DNAH11: variants seen among roughly 807,000 people sequenced by gnomAD.
DNAH11 encodes dynein axonemal heavy chain 11, also known as axonemal beta dynein heavy chain 11.
In DNAH11, 442 loss-of-function variants were observed where a neutral mutation model predicts 526.0. That is an observed-to-expected ratio of 0.84 (90% CI 0.78 to 0.91). The LOEUF (loss-of-function observed/expected upper bound fraction) is 0.91. Ranked by LOEUF, DNAH11 falls within the 40% of genes least tolerant of loss-of-function variation. The pLI, the probability that DNAH11 is intolerant of heterozygous loss-of-function variation, is 0.00. For missense variants in DNAH11, 6,989 were observed against 5,448.7 expected (o/e 1.28, Z -8.90); for synonymous variants, 2,461 against 1,935.9 (o/e 1.27, Z -7.12).
intron 48 of DNAH11, among the ~76,000 whole-genome samples, chr7:21,740,590 T>G (rs1249413721): frequency 6.6e-6 from 1 of 152,212 alleles, no homozygotes; most frequent in East Asian, 1.9e-4. Context: ...TTCTAGTACA[T>G]GTATTTACCA....
At position 21,720,820 on chromosome 7, in the gene DNAH11, T is replaced by C; in HGVS notation, c.7230T>C (p.Cys2410=). 1 of 1,613,172 alleles carries C rather than the reference T, an allele frequency of 6.2e-7. No homozygotes were observed. The highest frequency in any genetic ancestry group is 8.5e-7 in the Non-Finnish European group (1 of 1,179,544). ...EVYEVYFVFA[C]IWAFGGTLLQ... is the part of the protein sequence containing the mutation. ...ATGAAGTCTATTTTGTATTTGCTTG[T>C]ATCTGGGCTTTTGGAGGCACCCTGC... is the stretch of plus-strand genomic sequence containing the variant. Residue 2410 remains cysteine, a synonymous_variant, in exon 44 of 82, where the codon TGT becomes TGC. Coordinates refer to ENST00000409508, the MANE Select transcript of DNAH11 (RefSeq NM_001277115.2).
intron 60 of DNAH11, 99 bp downstream of exon 60, chr7:21,787,682 T>A: frequency 9.2e-7 from 1 of 1,092,592 alleles, no homozygotes; most frequent in Non-Finnish European, 1.3e-6. Flanking sequence ...TGTTATTTCA[T>A]TTTCTGAATA....
intron 17 of DNAH11, 36 bp downstream of exon 17, chr7:21,601,215 T>G (rs749411213): frequency 6.4e-7 from 1 of 1,564,438 alleles, no homozygotes; most frequent in Non-Finnish European, 8.6e-7. Flanking sequence ...ATTATAACTT[T>G]CTAAACTGCT....
At chr7:21,843,788 C>T (rs1173749274) in intron 66 of DNAH11, among the ~76,000 whole-genome samples, 3 of 151,900 alleles carry the variant, frequency 2.0e-5, no homozygotes, top group South Asian at 2.1e-4. Context: ...CATGCTGTGC[C>T]CAGCTTTCTA....
chr7:21,799,302 C>T (rs1468478998), intron 61 of DNAH11, among the ~76,000 whole-genome samples: 1 of 152,010 alleles, frequency 6.6e-6, no homozygotes, highest in East Asian at 1.9e-4. Context: ...CTCTTAATAA[C>T]CCAGAATAGA....
Position 21,720,708 on chromosome 7 carries a change from T to G in DNAH11, c.7135-17T>G. On this transcript the variant is annotated splice_polypyrimidine_tract_variant and intron_variant, in intron 43 of 81. Coordinates refer to ENST00000409508, the MANE Select transcript of DNAH11 (RefSeq NM_001277115.2). ...TTAAAAAAATGTTGCCTTATTTGAC[T>G]ATTTCTTTTTCTTTAGACTCTATGT... is the stretch of plus-strand genomic sequence containing the variant. The G allele has an allele frequency of 6.5e-7, 1 of 1,539,132 alleles. No individual in the cohort carries two copies. Among genetic ancestry groups the G allele is most frequent in the African/African-American group, 1.4e-5 (1 of 72,370 alleles).
chr7:21,548,986 ATT>A (rs1263304635), intron 2 of DNAH11, among the ~76,000 whole-genome samples: 7 of 151,918 alleles, frequency 4.6e-5, no homozygotes, highest in Admixed American at 4.6e-4. Context: ...AGTTCAAGCA[ATT>A]CTCCTACCTC....
At chr7:21,759,369 G>C (rs1786785720) in intron 54 of DNAH11, among the ~76,000 whole-genome samples, 1 of 152,164 alleles carries the variant, frequency 6.6e-6, no homozygotes. Flanking sequence ...AAATAAATAA[G>C]AAAATGTACT....
chr7:21,814,985 C>G (rs1266654875), intron 63 of DNAH11, among the ~76,000 whole-genome samples: 1 of 152,082 alleles, frequency 6.6e-6, no homozygotes, highest in African/African-American at 2.4e-5. Flanking sequence ...TTATGATATT[C>G]TTTAATGTAG....
At chr7:21,640,732 A>G (rs545059487) in intron 28 of DNAH11, among the ~76,000 whole-genome samples, 1 of 152,254 alleles carries the variant, frequency 6.6e-6, no homozygotes, top group Non-Finnish European at 1.5e-5. Flanking sequence ...TTAAAAACTT[A>G]AAAAAGAAAC....
intron 42 of DNAH11, among the ~76,000 whole-genome samples, chr7:21,716,577 T>A (rs1431800154): frequency 6.6e-6 from 1 of 152,190 alleles, no homozygotes; most frequent in Non-Finnish European, 1.5e-5. Flanking sequence ...CTCTTTCACC[T>A]CTTCTTGATA....
In DNAH11 at chr7:21,690,855, AC is replaced by A. The variant is rs1562492288; in HGVS notation, c.6017del (p.Pro2006ArgfsTer20). On this transcript the variant is annotated frameshift_variant, in exon 35 of 82. Coordinates refer to ENST00000409508, the MANE Select transcript of DNAH11 (RefSeq NM_001277115.2). LOFTEE classifies it high-confidence loss of function. ...NPGYAGRTEL[P>X]ENLKALFRPC... is the part of the protein sequence containing the mutation. ...CGGGTTATGCTGGTCGAACCGAATT[AC>A]CGGAAAATCTCAAAGCTCTTTTCAG... 6.2e-7 allele frequency: 1 copy of A among 1,612,812 alleles called. No individual in the cohort carries two copies. Among genetic ancestry groups the A allele is most frequent in the Non-Finnish European group, 8.5e-7 (1 of 1,179,414 alleles).
chr7:21,687,929 G>T (rs559750199), intron 34 of DNAH11, among the ~76,000 whole-genome samples: 1 of 152,198 alleles, frequency 6.6e-6, no homozygotes, highest in East Asian at 1.9e-4. Context: ...AGGCATGGTG[G>T]CATGTGCCTG....
intron 61 of DNAH11, among the ~76,000 whole-genome samples, chr7:21,798,742 A>G (rs933267448): frequency 1.1e-4 from 16 of 152,340 alleles, no homozygotes; most frequent in South Asian, 4.1e-4. Flanking sequence ...ATGACATGCA[A>G]CACCTCAACA....
intron 55 of DNAH11, among the ~76,000 whole-genome samples, chr7:21,768,633 G>T (rs1787289404): frequency 6.6e-6 from 1 of 152,118 alleles, no homozygotes; most frequent in Non-Finnish European, 1.5e-5. Context: ...GCTTTTTCAG[G>T]GAAAAGCAGT....
At chr7:21,736,280 C>T (rs1474436153) in intron 46 of DNAH11, among the ~76,000 whole-genome samples, 5 of 152,166 alleles carry the variant, frequency 3.3e-5, no homozygotes, top group Non-Finnish European at 7.3e-5. Flanking sequence ...CTTAAAATCA[C>T]TAGAACTAGT....
chr7:21,901,296 A>G lies in DNAH11; in HGVS notation c.*42A>G, dbSNP rs1420422631. On this transcript the variant is annotated 3_prime_UTR_variant, in exon 82 of 82. Transcript: ENST00000409508. ...CTCTAGCCTCTGCTGGAGTGCAGTG[A>G]GGATTTTCTAGCATGTTGCTGCACT... 1 of 1,555,434 alleles carries G rather than the reference A, an allele frequency of 6.4e-7. No homozygotes were observed.
At chr7:21,831,691 T>A (rs1781777866) in intron 65 of DNAH11, among the ~76,000 whole-genome samples, 1 of 152,178 alleles carries the variant, frequency 6.6e-6, no homozygotes, top group African/African-American at 2.4e-5. Flanking sequence ...TCCTGTATGC[T>A]TCAGGATATA....
At chr7:21,820,890 A>G (rs1000272787) in intron 65 of DNAH11, among the ~76,000 whole-genome samples, 3 of 152,200 alleles carry the variant, frequency 2.0e-5, no homozygotes, top group Non-Finnish European at 4.4e-5. Flanking sequence ...ACTGGAAGCA[A>G]TGTGATCAGA....
Sources: gnomAD v4.1 joint callset for allele counts (sites outside exome capture counted in the v4.1 genomes callset) on GRCh38, gnomAD v4.1.1 for gene constraint, MANE v1.5 for transcripts, NCBI Gene and HGNC (gene_info 2026-07-23, HGNC 2026-07-21) for gene names.